Variants in MCTP1 observed in about 807,000 individuals in gnomAD.
MCTP1 encodes multiple C2 and transmembrane domain-containing protein 1.
MCTP1 carries 69 observed loss-of-function variants against 120.6 expected under a neutral mutation model. That is an observed-to-expected ratio of 0.57 (90% confidence interval 0.47 to 0.70). The LOEUF (loss-of-function observed/expected upper bound fraction) is 0.70, where lower values mean the gene tolerates loss of function less well. Among genes scored for constraint, MCTP1 ranks in the 30% least tolerant of loss-of-function variants. MCTP1 has a pLI of 0.00. For missense variants in MCTP1, 1,203 were observed against 1,248.8 expected, an observed-to-expected ratio of 0.96 and a Z score of 0.55; for synonymous variants, 529 against 493.1, an observed-to-expected ratio of 1.07 and a Z score of -0.96.
intron 1 of MCTP1, among the ~76,000 whole-genome samples, chr5:95,211,225 T>C (rs554593612): frequency 1.0e-3 from 153 of 152,284 alleles, no homozygotes; most frequent in African/African-American, 3.6e-3. Context: ...TTGGCCTGCC[T>C]TGCTAGATTG....
intron 1 of MCTP1, among the ~76,000 whole-genome samples, chr5:95,098,232 T>G (rs960756201): frequency 3.3e-5 from 5 of 152,214 alleles, no homozygotes; most frequent in Admixed American, 3.3e-4. Flanking sequence ...ACAGGTGAGT[T>G]GGATACTTTG....
At chr5:95,240,948 TGAGA>T (rs1054013403) in intron 1 of MCTP1, among the ~76,000 whole-genome samples, 1 of 152,092 alleles carries the variant, frequency 6.6e-6, no homozygotes, top group African/African-American at 2.4e-5. Flanking sequence ...TCATTTTAAT[TGAGA>T]GAGACTACAT....
chr5:95,249,481 T>A (rs1432872960), intron 1 of MCTP1, among the ~76,000 whole-genome samples: 2 of 152,066 alleles, frequency 1.3e-5, no homozygotes, highest in Non-Finnish European at 2.9e-5. Context: ...CCAGTTAGAA[T>A]GGCGATCATT....
chr5:95,145,739 T>C (rs1760332804), intron 1 of MCTP1, among the ~76,000 whole-genome samples: 2 of 152,090 alleles, frequency 1.3e-5, no homozygotes, highest in Non-Finnish European at 2.9e-5. Flanking sequence ...GGGAACACAG[T>C]ATATTTGATC....
At chr5:94,759,055 G>C (rs556199690) in intron 19 of MCTP1, among the ~76,000 whole-genome samples, 4 of 152,256 alleles carry the variant, frequency 2.6e-5, no homozygotes, top group Non-Finnish European at 5.9e-5. Context: ...CTCAAAACCT[G>C]ACCTTCTAAT....
intron 2 of MCTP1, among the ~76,000 whole-genome samples, chr5:94,967,098 G>A (rs1825799612): frequency 6.6e-6 from 1 of 152,108 alleles, no homozygotes; most frequent in African/African-American, 2.4e-5. Flanking sequence ...TAGTAATTTA[G>A]CACAGAGGCC....
At chr5:94,736,556 G>A (rs1410966021) in intron 19 of MCTP1, among the ~76,000 whole-genome samples, 4 of 152,184 alleles carry the variant, frequency 2.6e-5, no homozygotes, top group African/African-American at 9.7e-5. Flanking sequence ...TAAAGGCAAT[G>A]TAAATATAGA....
chr5:95,065,167 G>T (rs1448379637), intron 1 of MCTP1, among the ~76,000 whole-genome samples: 1 of 151,782 alleles, frequency 6.6e-6, no homozygotes, highest in African/African-American at 2.4e-5. Context: ...TAATTATTAA[G>T]AACTGTTATC....
At chr5:94,972,000 A>G (rs1826994290) in intron 2 of MCTP1, among the ~76,000 whole-genome samples, 1 of 152,140 alleles carries the variant, frequency 6.6e-6, no homozygotes, top group Non-Finnish European at 1.5e-5. Flanking sequence ...ACATCTCTTG[A>G]AATGATCTCT....
chr5:95,275,819 T>A (rs560880653), intron 1 of MCTP1, among the ~76,000 whole-genome samples: 1 of 151,824 alleles, frequency 6.6e-6, no homozygotes, highest in African/African-American at 2.4e-5. Context: ...GGATGCTAAA[T>A]GGTTGTTACA....
chr5:95,177,650 G>A (rs1267101336), intron 1 of MCTP1, among the ~76,000 whole-genome samples: 1 of 152,214 alleles, frequency 6.6e-6, no homozygotes, highest in Non-Finnish European at 1.5e-5. Flanking sequence ...AACGTGATTG[G>A]TCACTGATCA....
At chr5:94,927,221 T>C (rs1043250253) in intron 6 of MCTP1, among the ~76,000 whole-genome samples, 2 of 152,164 alleles carry the variant, frequency 1.3e-5, no homozygotes, top group African/African-American at 4.8e-5. Flanking sequence ...TTACTACAAA[T>C]TTCAGGACTT....
Position 94,707,463 on chromosome 5 carries a change from A to AC in MCTP1, c.*32dup, listed in dbSNP as rs1296953712. On this transcript the variant is annotated 3_prime_UTR_variant, in exon 23 of 23. Transcript: ENST00000515393. ...AGGGCTTTTTCTTTTATCTTCCCAA[A>AC]CAGATGCTGGTCTCCTCAGTGCTGG... The AC allele has an allele frequency of 6.5e-7, 1 of 1,535,634 alleles. No homozygotes were observed. Among genetic ancestry groups the AC allele is most frequent in the East Asian group, 2.3e-5 (1 of 44,406 alleles).
chr5:94,754,961 G>A (rs1053230154), intron 19 of MCTP1, among the ~76,000 whole-genome samples: 3 of 152,092 alleles, frequency 2.0e-5, no homozygotes, highest in African/African-American at 7.2e-5. Flanking sequence ...CTCATTCTGG[G>A]CTGCCAAGCT....
At chr5:94,760,697 T>C (rs1040575854) in intron 19 of MCTP1, among the ~76,000 whole-genome samples, 4 of 152,022 alleles carry the variant, frequency 2.6e-5, no homozygotes, top group African/African-American at 9.7e-5. Flanking sequence ...AAATTGTTTT[T>C]TTTTTTTTGA....
chr5:94,792,340 C>A (rs1358529309), intron 18 of MCTP1: 1 of 152,416 alleles, frequency 6.6e-6, no homozygotes, highest in Admixed American at 6.5e-5. Context: ...CTGAGTTTCT[C>A]CATCTGTCCA....
chr5:94,755,439 C>T (rs1199439197), intron 19 of MCTP1, among the ~76,000 whole-genome samples: 2 of 152,100 alleles, frequency 1.3e-5, no homozygotes, highest in African/African-American at 4.8e-5. Context: ...AGAATCAAAC[C>T]AGCTCTCAAA....
intron 2 of MCTP1, among the ~76,000 whole-genome samples, chr5:94,983,440 G>C (rs1829848075): frequency 6.6e-6 from 1 of 152,150 alleles, no homozygotes; most frequent in South Asian, 2.1e-4. Flanking sequence ...GTGTAACTAA[G>C]TTTTCTTTCT....
intron 17 of MCTP1, among the ~76,000 whole-genome samples, chr5:94,830,621 T>C (rs1370694729): frequency 1.3e-5 from 2 of 152,190 alleles, no homozygotes; most frequent in Non-Finnish European, 2.9e-5. Flanking sequence ...CTTTAAGTCC[T>C]ATTTAATTCC....
Sources: allele counts gnomAD v4.1 joint callset (sites outside exome capture counted in the v4.1 genomes callset), GRCh38; gene constraint gnomAD v4.1.1; transcripts MANE v1.5; gene names NCBI Gene and HGNC (gene_info 2026-07-23, HGNC 2026-07-21).